Variants in ZNF37A observed in about 807,000 individuals in gnomAD.
ZNF37A encodes the protein zinc finger protein 37a (KOX 21).
A neutral mutation model predicts 12.3 loss-of-function variants in ZNF37A; 10 were observed. The ratio of observed to expected loss-of-function variants is 0.82; its 90% CI spans 0.50 to 1.38. The LOEUF (loss-of-function observed/expected upper bound fraction) is 1.38, where lower values mean the gene tolerates loss of function less well. Among genes scored for constraint, ZNF37A ranks in the 40% most tolerant of loss-of-function variants. The pLI is 0.00. For synonymous variants in ZNF37A, 207 were observed against 223.0 expected, an observed-to-expected ratio of 0.93 and a Z score of 0.64; for missense variants, 580 against 651.2, an observed-to-expected ratio of 0.89 and a Z score of 1.19.
chr10:38,129,023 G>GT (rs1341008846), downstream of ZNF37A, among the ~76,000 whole-genome samples: 1 of 151,874 alleles, frequency 6.6e-6, no homozygotes, highest in Non-Finnish European at 1.5e-5. Context: ...AAGTGCTGGG[G>GT]TTACAAGCGT....
At chr10:38,094,910 C>G (rs977571296) in intron 1 of ZNF37A, 21 bp from the exon 2 acceptor site, 3 of 152,300 alleles carry the variant, frequency 2.0e-5, no homozygotes, top group Non-Finnish European at 2.9e-5. Context: ...CAGCGTCACT[C>G]GGCTTGCTGT....
intron 7 of ZNF37A, chr10:38,117,133 A>G (rs1273189918): frequency 1.0e-6 from 1 of 979,474 alleles, no homozygotes. Flanking sequence ...CACCACCACC[A>G]ACAACAACCA....
intron 5 of ZNF37A, among the ~76,000 whole-genome samples, chr10:38,108,964 T>A (rs1446120065): frequency 6.6e-6 from 1 of 152,048 alleles, no homozygotes. Context: ...AAAGAGGGAA[T>A]CCTCTCTAAC....
chr10:38,141,400 C>T (rs532539483), intron 7 of ZNF37A: 20 of 152,272 alleles, frequency 1.3e-4, no homozygotes, highest in African/African-American at 4.3e-4. Flanking sequence ...CAACATTCTT[C>T]CCTCAAATCC....
At chr10:38,133,498 A>G (rs2070062786) in intron 7 of ZNF37A, among the ~76,000 whole-genome samples, 2 of 112,810 alleles carry the variant, frequency 1.8e-5, no homozygotes, top group Admixed American at 1.3e-4. Context: ...CCAATGTGTG[A>G]TGTTCCCCAC....
intron 7 of ZNF37A, among the ~76,000 whole-genome samples, chr10:38,145,447 G>T (rs2070240295): frequency 6.6e-6 from 1 of 152,038 alleles, no homozygotes. Flanking sequence ...TAATTTTCTT[G>T]CCAGGCATTT....
Position 38,121,556 on chromosome 10 carries a change from G to A in ZNF37A, c.*2719G>A, listed in dbSNP as rs1366890492. 6.6e-6 allele frequency: 1 copy of A among 152,294 alleles called. No individual in the cohort carries two copies. The highest frequency in any genetic ancestry group is 1.5e-5 in the Non-Finnish European group (1 of 68,058). 9.4% of individuals were successfully genotyped at this position (152,294 alleles called of 1,614,324 possible). A position where few individuals can be genotyped will look rare whatever the true frequency, so the allele number is the denominator to read the frequency against. ...GTGGAAGGGACAGGGGGAGGAGATGGGCAGCATTGTTGAGAGATTGGTAAC... is the reference window on the plus strand; with the variant it reads ...GTGGAAGGGACAGGGGGAGGAGATGAGCAGCATTGTTGAGAGATTGGTAAC... On this transcript the variant is annotated 3_prime_UTR_variant, in exon 8 of 8. Coordinates refer to ENST00000685332, the MANE Select transcript of ZNF37A (RefSeq NM_001324250.3).
chr10:38,112,730 ATTTTC>A (rs545261135), intron 5 of ZNF37A, among the ~76,000 whole-genome samples: 12,070 of 77,018 alleles, frequency 0.16, 882 homozygotes, highest in East Asian at 0.26. Context: ...TTTTACATCC[ATTTTC>A]TTTTCTTTTC....
chr10:38,146,069 C>G (rs1327718205), intron 7 of ZNF37A, among the ~76,000 whole-genome samples: 1 of 152,206 alleles, frequency 6.6e-6, no homozygotes, highest in Non-Finnish European at 1.5e-5. Context: ...CATTGCACTC[C>G]AGCCTGGGCA....
At chr10:38,129,304 T>TAAAA (rs775705417), downstream of ZNF37A, among the ~76,000 whole-genome samples, 2,432 of 56,858 alleles carry the variant, frequency 0.043, 283 homozygotes, top group Admixed American at 0.14. Flanking sequence ...AGACTCTGTC[T>TAAAA]AAAAAAAAAA....
chr10:38,143,438 A>C (rs571725490), intron 7 of ZNF37A: 2 of 152,216 alleles, frequency 1.3e-5, no homozygotes, highest in Non-Finnish European at 2.9e-5. Flanking sequence ...GATGTTTTAC[A>C]TGAGGTTGAT....
chr10:38,145,623 C>G (rs949082948), intron 7 of ZNF37A, among the ~76,000 whole-genome samples: 11 of 152,176 alleles, frequency 7.2e-5, no homozygotes, highest in Non-Finnish European at 1.5e-5. Context: ...CCCTTTGGTT[C>G]ATGGGTCACT....
intron 5 of ZNF37A, among the ~76,000 whole-genome samples, chr10:38,098,010 TCTC>T (rs2067284142): frequency 6.6e-6 from 1 of 152,150 alleles, no homozygotes; most frequent in Non-Finnish European, 1.5e-5. Flanking sequence ...CAACCAATAA[TCTC>T]CTGTCTTTAT....
At position 38,118,634 on chromosome 10, in the gene ZNF37A, T is replaced by C. The variant is rs1254808356; in HGVS notation, c.1483T>C (p.Tyr495His). The C allele has an allele frequency of 6.2e-7, 1 of 1,613,448 alleles. No homozygotes were observed. The highest frequency in any genetic ancestry group is 8.5e-7 in the Non-Finnish European group (1 of 1,179,908). ...HQRTHIRQKP[Y>H]GCNQCGKSFC... ...GAGAACTCATATAAGACAGAAACCC[T>C]ATGGATGTAATCAATGTGGAAAATC... The change falls in exon 8 of 8, where the codon TAT becomes CAT. Residue 495 changes from tyrosine to histidine, a missense_variant. Tyr to His is a moderately conservative substitution (Grantham distance 83, BLOSUM62 2). Transcript: ENST00000685332.
chr10:38,101,823 C>CTTTTTTTTTTTTTTTTTTT (rs3041908), intron 5 of ZNF37A, among the ~76,000 whole-genome samples: 1 of 133,166 alleles, frequency 7.5e-6, no homozygotes. Context: ...TTTTATTTTT[C>CTTTTTTTTTTTTTTTTTTT]TTTTTTTTTT....
intron 5 of ZNF37A, among the ~76,000 whole-genome samples, chr10:38,114,272 T>A (rs1260202563): frequency 6.6e-6 from 1 of 152,238 alleles, no homozygotes; most frequent in Non-Finnish European, 1.5e-5. Context: ...AACCTTTTGT[T>A]AAGTTTTTCT....
downstream of ZNF37A, among the ~76,000 whole-genome samples, chr10:38,127,875 T>G (rs2069951130): frequency 6.6e-6 from 1 of 152,196 alleles, no homozygotes; most frequent in Non-Finnish European, 1.5e-5. Flanking sequence ...AAGAACTGCA[T>G]TTTCAGGTAG....
chr10:38,094,663 C>T (rs1450928433), intron 1 of ZNF37A, among the ~76,000 whole-genome samples, 173 bp downstream of exon 1: 5 of 152,222 alleles, frequency 3.3e-5, no homozygotes, highest in Admixed American at 1.3e-4. Flanking sequence ...TGGATTTTCT[C>T]TTCCCTGAGG....
chr10:38,108,836 TA>T lies in ZNF37A; in HGVS notation c.16-5916del, dbSNP rs571078468. 2.0e-5 allele frequency among the ~76,000 whole-genome samples: 3 copies of T among 152,282 alleles called. No homozygotes were observed. In the East Asian group the frequency reaches 5.8e-4, roughly 29 times the overall value. The stretch of plus-strand genomic sequence containing the variant: ...ATAACAAGTTCTGAAATTGAGGCAG[TA>T]AATAATAGCCTACCAACCAAAAATG... On this transcript the variant is annotated intron_variant, in intron 5 of 7. Transcript: ENST00000685332.
Sources: allele counts gnomAD v4.1 joint callset (sites outside exome capture counted in the v4.1 genomes callset), GRCh38; gene constraint gnomAD v4.1.1; transcripts MANE v1.5; gene names NCBI Gene and HGNC (gene_info 2026-07-23, HGNC 2026-07-21).